Variants in YME1L1 observed in about 807,000 individuals in gnomAD.
YME1L1 encodes the protein YME1 like 1 ATPase, also known as ATP-dependent zinc metalloprotease YME1L1.
A neutral mutation model predicts 90.4 loss-of-function variants in YME1L1; 39 were observed. The observed-to-expected ratio is 0.43, with a 90% CI of 0.33 to 0.56. The LOEUF is 0.56. Among genes scored for constraint, YME1L1 ranks in the 20% least tolerant of loss-of-function variants. The pLI is 0.03. For synonymous variants in YME1L1, 284 were observed against 287.3 expected (o/e 0.99, Z 0.12); for missense variants, 617 against 868.4 (o/e 0.71, Z 3.64).
intron 4 of YME1L1, among the ~76,000 whole-genome samples, chr10:27,141,157 G>A (rs2057082669): frequency 6.6e-6 from 1 of 152,104 alleles, no homozygotes; most frequent in African/African-American, 2.4e-5. Context: ...CACTTTAGAA[G>A]GCCAAGGCAG....
chr10:27,129,175 A>C (rs1044867970), intron 8 of YME1L1: 1 of 152,104 alleles, frequency 6.6e-6, no homozygotes, highest in Non-Finnish European at 1.5e-5. Flanking sequence ...CAGACAGAGA[A>C]TAACAATGCT....
intron 1 of YME1L1, among the ~76,000 whole-genome samples, chr10:27,149,733 A>G (rs537943744): frequency 0.053 from 7,682 of 145,192 alleles, 323 homozygotes; most frequent in African/African-American, 0.072. Flanking sequence ...AAAAAAAAAA[A>G]AAAGAAACTA....
chr10:27,115,323 CTTT>C (rs71386913), intron 17 of YME1L1, among the ~76,000 whole-genome samples: 2 of 142,380 alleles, frequency 1.4e-5, no homozygotes, highest in Non-Finnish European at 1.5e-5. Context: ...CATTTAAAAT[CTTT>C]TTTTTTTTTT....
chr10:27,153,243 G>A (rs761170117), intron 1 of YME1L1: 1 of 470,698 alleles, frequency 2.1e-6, no homozygotes, highest in Non-Finnish European at 4.4e-6. Context: ...CATAACTGAT[G>A]CCCAATAACA....
At chr10:27,151,597 C>G (rs547389194) in intron 1 of YME1L1, among the ~76,000 whole-genome samples, 2 of 152,272 alleles carry the variant, frequency 1.3e-5, no homozygotes, top group Admixed American at 6.5e-5. Flanking sequence ...AGTATGCATA[C>G]CCGTGGGGGC....
intron 8 of YME1L1, chr10:27,129,254 G>A (rs567556451): frequency 6.6e-6 from 1 of 152,286 alleles, no homozygotes; most frequent in South Asian, 2.1e-4. Flanking sequence ...ACAATGAGAA[G>A]GGCCCTCCAC....
intron 2 of YME1L1, chr10:27,145,870 TA>T (rs1454569566): frequency 4.6e-4 from 91 of 196,302 alleles, no homozygotes; most frequent in African/African-American, 2.1e-3. Context: ...TTTTTTTTTT[TA>T]AATCAAACCC....
chr10:27,145,034 G>T (rs1389571757), intron 3 of YME1L1, among the ~76,000 whole-genome samples: 1 of 152,142 alleles, frequency 6.6e-6, no homozygotes, highest in Non-Finnish European at 1.5e-5. Flanking sequence ...CCAGCTACTT[G>T]GGAGGCCGAG....
intron 1 of YME1L1, chr10:27,153,155 C>A: frequency 2.1e-6 from 1 of 469,598 alleles, no homozygotes; most frequent in Non-Finnish European, 4.4e-6. Flanking sequence ...GTTCACTCTT[C>A]ACCTTGCTAA....
chr10:27,121,298 G>A, intron 12 of YME1L1, 88 bp downstream of exon 12: 1 of 908,708 alleles, frequency 1.1e-6, no homozygotes, highest in East Asian at 2.5e-5. Context: ...ATCATACAGT[G>A]TTGATGTGAT....
chr10:27,142,163 C>T (rs2057094891), intron 4 of YME1L1, among the ~76,000 whole-genome samples: 1 of 151,896 alleles, frequency 6.6e-6, no homozygotes, highest in African/African-American at 2.4e-5. Flanking sequence ...AGATAAGTTC[C>T]CTGGAGTTTG....
intron 8 of YME1L1, among the ~76,000 whole-genome samples, chr10:27,130,324 C>T (rs897211660): frequency 2.0e-5 from 3 of 152,138 alleles, no homozygotes; most frequent in Admixed American, 6.6e-5. Flanking sequence ...CTCTGTAACT[C>T]GGTATTTAAA....
chr10:27,147,675 G>C (rs960616317), intron 2 of YME1L1: 2 of 1,551,122 alleles, frequency 1.3e-6, no homozygotes, highest in South Asian at 2.4e-5. Flanking sequence ...TACACTGTAG[G>C]AAGAGAGGTT....
chr10:27,138,016 T>C (rs972375640), intron 4 of YME1L1, among the ~76,000 whole-genome samples: 2 of 152,132 alleles, frequency 1.3e-5, no homozygotes, highest in Non-Finnish European at 2.9e-5. Flanking sequence ...TTCAGTTTTA[T>C]ATTTTTGTTT....
At chr10:27,123,752 G>T in intron 9 of YME1L1, 53 bp from the exon 10 acceptor site, 2 of 1,508,412 alleles carry the variant, frequency 1.3e-6, no homozygotes, top group East Asian at 2.3e-5. Flanking sequence ...AAAATCCCTC[G>T]ATATGAACCT....
At chr10:27,147,242 C>T in intron 2 of YME1L1, 1 of 625,380 alleles carries the variant, frequency 1.6e-6, no homozygotes, top group Non-Finnish European at 2.8e-6. Flanking sequence ...CCTGTAATCC[C>T]AACACTTTTG....
chr10:27,114,652 C>T (rs1202029528), intron 17 of YME1L1, 45 bp from the exon 18 acceptor site: 4 of 1,444,318 alleles, frequency 2.8e-6, no homozygotes, highest in Non-Finnish European at 3.8e-6. Flanking sequence ...AACCCCCAAA[C>T]ACCAACAAAT....
At chr10:27,147,450 A>G in intron 2 of YME1L1, 1 of 1,614,210 alleles carries the variant, frequency 6.2e-7, no homozygotes, top group Non-Finnish European at 8.5e-7. Flanking sequence ...AGAACGATGG[A>G]CAAAACAAAT....
chr10:27,140,753 A>G (rs879539916), intron 4 of YME1L1, among the ~76,000 whole-genome samples: 12 of 152,226 alleles, frequency 7.9e-5, no homozygotes, highest in African/African-American at 1.2e-4. Flanking sequence ...CTGGGATTAC[A>G]GGCATAAGCC....
Sources: gnomAD v4.1 joint callset for allele counts (sites outside exome capture counted in the v4.1 genomes callset) on GRCh38, gnomAD v4.1.1 for gene constraint, MANE v1.5 for transcripts, NCBI Gene and HGNC (gene_info 2026-07-23, HGNC 2026-07-21) for gene names.